Variants in KLHL1 observed in about 807,000 individuals in gnomAD.
KLHL1 encodes the protein kelch like family member 1.
KLHL1 carries 47 observed loss-of-function variants against 77.7 expected under a neutral mutation model. The observed-to-expected ratio is 0.60, with a 90% CI of 0.48 to 0.77. KLHL1 has a LOEUF of 0.77. Among genes scored for constraint, KLHL1 ranks in the 30% least tolerant of loss-of-function variants. The pLI is 0.00. For missense variants in KLHL1, 925 were observed against 910.8 expected (o/e 1.02, Z -0.20); for synonymous variants, 360 against 325.2 (o/e 1.11, Z -1.15).
chr13:70,084,319 T>A (rs1790492910), intron 1 of KLHL1, among the ~76,000 whole-genome samples: 1 of 152,142 alleles, frequency 6.6e-6, no homozygotes, highest in African/African-American at 2.4e-5. Flanking sequence ...CATGAACAGA[T>A]CATTAAACCT....
chr13:70,097,887 G>GT (rs3072589), intron 1 of KLHL1, among the ~76,000 whole-genome samples: 20,598 of 143,936 alleles, frequency 0.14, 1,650 homozygotes, highest in African/African-American at 0.23. Flanking sequence ...TTTCCTTTCT[G>GT]TTTTTTTTTT....
chr13:70,003,156 T>C (rs1175101612), intron 1 of KLHL1, among the ~76,000 whole-genome samples: 1 of 151,708 alleles, frequency 6.6e-6, no homozygotes, highest in Non-Finnish European at 1.5e-5. Context: ...ATAACAATTA[T>C]GAGCATACAA....
At chr13:70,058,134 A>G (rs1886794488) in intron 1 of KLHL1, among the ~76,000 whole-genome samples, 1 of 152,202 alleles carries the variant, frequency 6.6e-6, no homozygotes, top group African/African-American at 2.4e-5. Context: ...GTAGTATCAT[A>G]CTGAATGCAG....
At chr13:69,794,588 A>G (rs1041150762) in intron 7 of KLHL1, among the ~76,000 whole-genome samples, 1 of 151,908 alleles carries the variant, frequency 6.6e-6, no homozygotes, top group African/African-American at 2.4e-5. Context: ...TGGGGGAAGG[A>G]GAGAGAAGGA....
chr13:69,784,882 ATTTTT>A (rs775109435), intron 7 of KLHL1, among the ~76,000 whole-genome samples: 837 of 79,462 alleles, frequency 0.011, 8 homozygotes, highest in African/African-American at 0.039. Context: ...CAGAATATAC[ATTTTT>A]TTTTTTTTTT....
At chr13:69,983,460 G>GC (rs1295556440) in intron 1 of KLHL1, among the ~76,000 whole-genome samples, 2 of 151,754 alleles carry the variant, frequency 1.3e-5, no homozygotes, top group Admixed American at 1.3e-4. Flanking sequence ...AATATACTGT[G>GC]CTCGGTGCGG....
At chr13:69,741,742 G>T (rs1158593351) in intron 7 of KLHL1, among the ~76,000 whole-genome samples, 1 of 152,102 alleles carries the variant, frequency 6.6e-6, no homozygotes, top group Non-Finnish European at 1.5e-5. Context: ...GCTTCTTTGA[G>T]ATGTAAATCT....
intron 5 of KLHL1, among the ~76,000 whole-genome samples, chr13:69,866,003 A>G (rs1880353081): frequency 6.6e-6 from 1 of 152,168 alleles, no homozygotes; most frequent in African/African-American, 2.4e-5. Flanking sequence ...TAAAAATTCC[A>G]TCTTTTATTT....
At chr13:70,044,851 T>C (rs1404294343) in intron 1 of KLHL1, among the ~76,000 whole-genome samples, 1 of 152,134 alleles carries the variant, frequency 6.6e-6, no homozygotes, top group African/African-American at 2.4e-5. Flanking sequence ...TATCTGTCAG[T>C]TTTTCAATAG....
At chr13:69,915,348 C>T (rs1229616473) in intron 4 of KLHL1, among the ~76,000 whole-genome samples, 1 of 152,158 alleles carries the variant, frequency 6.6e-6, no homozygotes, top group Non-Finnish European at 1.5e-5. Flanking sequence ...AACTATACTA[C>T]AAGGCTACAG....
intron 1 of KLHL1, among the ~76,000 whole-genome samples, chr13:70,005,901 T>C (rs1008038479): frequency 2.0e-5 from 3 of 152,028 alleles, no homozygotes; most frequent in African/African-American, 7.2e-5. Flanking sequence ...TAGCAAATTC[T>C]GAAGTGCTCA....
chr13:69,985,065 TTGCACCAC>T (rs1163993206), intron 1 of KLHL1, among the ~76,000 whole-genome samples: 1 of 152,066 alleles, frequency 6.6e-6, no homozygotes, highest in African/African-American at 2.4e-5. Flanking sequence ...TGAGCCGAGA[TTGCACCAC>T]TGCACTACAG....
intron 7 of KLHL1, 54 bp from the exon 8 acceptor site, chr13:69,740,610 T>C: frequency 7.4e-7 from 1 of 1,352,984 alleles, no homozygotes; most frequent in Non-Finnish European, 1.0e-6. Context: ...ATATTGTACA[T>C]TTAAAAATCT....
intron 4 of KLHL1, among the ~76,000 whole-genome samples, chr13:69,907,548 T>C (rs1231816403): frequency 6.6e-6 from 1 of 152,024 alleles, no homozygotes; most frequent in Non-Finnish European, 1.5e-5. Context: ...CGCTAGATAT[T>C]GAAAGTCATG....
intron 7 of KLHL1, among the ~76,000 whole-genome samples, chr13:69,775,858 AATT>A (rs1234091962): frequency 6.6e-6 from 1 of 152,026 alleles, no homozygotes; most frequent in East Asian, 1.9e-4. Flanking sequence ...ATTTTAAAAA[AATT>A]ATTATTCTAG....
chr13:70,085,627 G>A (rs1887517159), intron 1 of KLHL1, among the ~76,000 whole-genome samples: 1 of 152,164 alleles, frequency 6.6e-6, no homozygotes, highest in South Asian at 2.1e-4. Context: ...ACTTTGGGAG[G>A]CCGAGGCTGG....
intron 3 of KLHL1, among the ~76,000 whole-genome samples, chr13:69,955,368 T>G (rs1269713852): frequency 4.0e-5 from 6 of 151,394 alleles, no homozygotes; most frequent in Non-Finnish European, 7.4e-5. Context: ...TTAACTTCAG[T>G]GGCACACAAA....
At chr13:70,047,157 G>C (rs1886520778) in intron 1 of KLHL1, among the ~76,000 whole-genome samples, 1 of 151,742 alleles carries the variant, frequency 6.6e-6, no homozygotes, top group Non-Finnish European at 1.5e-5. Context: ...GGTCTAAAAT[G>C]TGTGCCTACA....
At chr13:69,850,203 C>T (rs1353450408) in intron 5 of KLHL1, among the ~76,000 whole-genome samples, 3 of 151,454 alleles carry the variant, frequency 2.0e-5, no homozygotes, top group Non-Finnish European at 4.4e-5. Context: ...CTTATTTTTC[C>T]CATTACTCTT....
Sources: gnomAD v4.1 joint callset for allele counts (sites outside exome capture counted in the v4.1 genomes callset) on GRCh38, gnomAD v4.1.1 for gene constraint, MANE v1.5 for transcripts, NCBI Gene and HGNC (gene_info 2026-07-23, HGNC 2026-07-21) for gene names.